The following SPHKAP variants were observed in gnomAD, a reference collection of about 807,000 sequenced individuals.
SPHKAP encodes the protein A-kinase anchor protein SPHKAP.
A neutral mutation model predicts 137.5 loss-of-function variants in SPHKAP; 67 were observed. The observed-to-expected ratio is 0.49, with a 90% CI of 0.40 to 0.60. The LOEUF (loss-of-function observed/expected upper bound fraction) is 0.60, where lower values mean the gene tolerates loss of function less well. SPHKAP is among the 20% of genes least tolerant of loss of function. The pLI is 0.00. For missense variants in SPHKAP, 2,097 were observed against 2,069.3 expected (o/e 1.01, Z -0.26); for synonymous variants, 813 against 785.3 (o/e 1.04, Z -0.59).
chr2:227,987,068 T>C (rs1693237429), intron 11 of SPHKAP, among the ~76,000 whole-genome samples: 1 of 152,234 alleles, frequency 6.6e-6, no homozygotes, highest in Non-Finnish European at 1.5e-5. Flanking sequence ...CAAATTCTGC[T>C]GCTTGTCTAA....
chr2:227,992,678 T>C (rs1693458574), intron 9 of SPHKAP, among the ~76,000 whole-genome samples: 1 of 152,184 alleles, frequency 6.6e-6, no homozygotes, highest in African/African-American at 2.4e-5. Context: ...TTGTGAATAA[T>C]GGCTGTGTGG....
At chr2:228,061,663 G>T (rs961656894) in intron 3 of SPHKAP, among the ~76,000 whole-genome samples, 2 of 151,702 alleles carry the variant, frequency 1.3e-5, no homozygotes, top group Non-Finnish European at 2.9e-5. Flanking sequence ...TTCAAACAAA[G>T]ATTTTTGCTT....
chr2:228,132,588 A>C, intron 1 of SPHKAP: 2 of 658,830 alleles, frequency 3.0e-6, no homozygotes, highest in South Asian at 6.8e-5. Flanking sequence ...CTGCGGCTGG[A>C]GATAGCTCCT....
At chr2:228,137,348 G>C (rs1699466534) in intron 1 of SPHKAP, among the ~76,000 whole-genome samples, 1 of 152,114 alleles carries the variant, frequency 6.6e-6, no homozygotes, top group African/African-American at 2.4e-5. Context: ...TCAAAAATTA[G>C]GCACAAACAA....
At chr2:228,021,651 T>C in intron 6 of SPHKAP, 60 bp downstream of exon 6, 2 of 1,546,814 alleles carry the variant, frequency 1.3e-6, no homozygotes, top group Non-Finnish European at 1.7e-6. Flanking sequence ...TTCTGAAATC[T>C]CACCAAGACA....
At chr2:228,102,909 T>C (rs1396811846) in intron 3 of SPHKAP, among the ~76,000 whole-genome samples, 1 of 152,142 alleles carries the variant, frequency 6.6e-6, no homozygotes, top group Non-Finnish European at 1.5e-5. Context: ...ATCCAACTAA[T>C]TTTTAAAATA....
intron 3 of SPHKAP, among the ~76,000 whole-genome samples, chr2:228,066,912 A>G (rs886472942): frequency 2.0e-5 from 3 of 152,172 alleles, no homozygotes; most frequent in African/African-American, 7.2e-5. Context: ...TGTATTTTTG[A>G]TGTACTGTTC....
At position 228,171,172 on chromosome 2, in the gene SPHKAP, T is replaced by A. The variant is rs144858955; in HGVS notation, c.32+10395A>T. On this transcript the variant is annotated intron_variant, in intron 1 of 11. Coordinates refer to ENST00000392056, the MANE Select transcript of SPHKAP (RefSeq NM_001142644.2). Reference sequence around the variant, plus strand: ...CCAGAACATTTCAAGTGCTTCCAATTTTGTTTTGGAGATTTATTATTATTA... The same window carrying A: ...CCAGAACATTTCAAGTGCTTCCAATATTGTTTTGGAGATTTATTATTATTA... Among the ~76,000 whole-genome samples, 661 of 152,224 alleles carry A rather than the reference T, an allele frequency of 4.3e-3. 3 individuals are homozygous for A. Among genetic ancestry groups the A allele is most frequent in the South Asian group, 0.015 (71 of 4,832 alleles).
chr2:228,130,352 G>A (rs1274229425), intron 2 of SPHKAP, among the ~76,000 whole-genome samples: 3 of 152,090 alleles, frequency 2.0e-5, no homozygotes, highest in African/African-American at 7.2e-5. Context: ...TCTTTATTTT[G>A]AGTGCATGAA....
chr2:228,019,269 GA>G lies in SPHKAP; in HGVS notation c.1584del (p.Pro530GlnfsTer32), dbSNP rs1159060735. ...RLKMEQVVSN[F>X]PPGSSGALQT... ...TGCAGTGCACCACTGCTCCCTGGGG[GA>G]AAGTTCGAGACCACTTGCTCCATTT... On this transcript the variant is annotated frameshift_variant, in exon 7 of 12. Coordinates refer to ENST00000392056, the MANE Select transcript of SPHKAP (RefSeq NM_001142644.2). LOFTEE classifies it high-confidence loss of function. 2 of 1,614,014 alleles carry G rather than the reference GA, an allele frequency of 1.2e-6. No homozygotes were observed. Among genetic ancestry groups the G allele is most frequent in the Non-Finnish European group, 1.7e-6 (2 of 1,180,018 alleles).
Position 227,983,429 on chromosome 2 carries a change from G to C in SPHKAP, c.4960-1569C>G, listed in dbSNP as rs114001085. On this transcript the variant is annotated intron_variant, in intron 11 of 11. Transcript: ENST00000392056. ...GGAAATATAAACATTGTCTTAAAGA[G>C]TGTTAGGATGTTGTGAAAAGGGAGA... Among the ~76,000 whole-genome samples the C allele has an allele frequency of 2.2e-3, 336 of 152,320 alleles. 1 individual carries two copies. The highest frequency in any genetic ancestry group is 0.01 in the Middle Eastern group (3 of 294).
Position 228,051,205 on chromosome 2 carries a change from T to C in SPHKAP, c.247-23662A>G, listed in dbSNP as rs969436166. On this transcript the variant is annotated intron_variant, in intron 3 of 11. Transcript: ENST00000392056. Reference sequence around the variant, plus strand: ...CTTGTTGTGATCAGGTAATTATTGTTCAGTAGGGACTACATTGTATATTGT... The same window carrying C: ...CTTGTTGTGATCAGGTAATTATTGTCCAGTAGGGACTACATTGTATATTGT... Among the ~76,000 whole-genome samples, 4 of 152,222 alleles carry C rather than the reference T, an allele frequency of 2.6e-5. No homozygotes were observed. In the South Asian group the frequency reaches 8.3e-4, roughly 31 times the overall value.
chr2:228,065,440 G>A (rs555630917), intron 3 of SPHKAP, among the ~76,000 whole-genome samples: 1 of 152,286 alleles, frequency 6.6e-6, no homozygotes, highest in Non-Finnish European at 1.5e-5. Context: ...AGTTTCTATG[G>A]ACTGCTGAGA....
intron 3 of SPHKAP, among the ~76,000 whole-genome samples, chr2:228,074,569 G>A (rs781075020): frequency 1.3e-5 from 2 of 152,106 alleles, no homozygotes; most frequent in Non-Finnish European, 2.9e-5. Flanking sequence ...ACACCCCCAT[G>A]ATTCAATTAA....
At chr2:228,037,332 C>T (rs1695660709) in intron 3 of SPHKAP, among the ~76,000 whole-genome samples, 1 of 152,194 alleles carries the variant, frequency 6.6e-6, no homozygotes, top group African/African-American at 2.4e-5. Flanking sequence ...TTAAGTTTTA[C>T]ATGTCTGATG....
At chr2:228,049,448 A>G (rs1275399167) in intron 3 of SPHKAP, among the ~76,000 whole-genome samples, 2 of 152,224 alleles carry the variant, frequency 1.3e-5, no homozygotes, top group African/African-American at 4.8e-5. Context: ...AATGTGAGAC[A>G]TTGCTGCATT....
rs575445747 is a variant in SPHKAP at position 228,019,436 on chromosome 2, A to G, written c.1418T>C (p.Met473Thr). The G allele has an allele frequency of 5.0e-6, 8 of 1,614,074 alleles. No homozygotes were observed. The highest frequency in any genetic ancestry group is 6.8e-6 in the Non-Finnish European group (8 of 1,180,038). ...GCTTGAGGTTTCAACAGAGACTTCC[A>G]TCTCAGGCCAGGAGGAGATGCCTGG... is the stretch of plus-strand genomic sequence containing the variant. ...PQPGISSWPE[M>T]EVSVETSSIL... The change falls in exon 7 of 12, where the codon ATG (methionine) becomes ACG (threonine). Residue 473 changes from methionine to threonine, a missense_variant. Coordinates refer to ENST00000392056, the MANE Select transcript of SPHKAP (RefSeq NM_001142644.2).
chr2:228,106,056 A>G (rs114059111), intron 3 of SPHKAP, among the ~76,000 whole-genome samples: 1,710 of 152,256 alleles, frequency 0.011, 36 homozygotes, highest in African/African-American at 0.038. Flanking sequence ...GACTTCTTAT[A>G]TTAACCGTGA....
chr2:228,077,000 C>T (rs553504001), intron 3 of SPHKAP, among the ~76,000 whole-genome samples: 114 of 152,306 alleles, frequency 7.5e-4, no homozygotes, highest in African/African-American at 2.6e-3. Flanking sequence ...ATCCCAGCTG[C>T]TCTAGCTGTA....
Sources: allele counts gnomAD v4.1 joint callset (sites outside exome capture counted in the v4.1 genomes callset), GRCh38; gene constraint gnomAD v4.1.1; transcripts MANE v1.5; gene names NCBI Gene and HGNC (gene_info 2026-07-23, HGNC 2026-07-21).